ZFHX3: variants seen among roughly 807,000 people sequenced by gnomAD.
ZFHX3 encodes zinc finger homeobox 3, also known as zinc finger homeobox protein 3.
Under a neutral mutation model 279.1 loss-of-function variants are expected in ZFHX3, and 42 were observed. That is an observed-to-expected ratio of 0.15 (90% confidence interval 0.12 to 0.19). The LOEUF is 0.19. Ranked by LOEUF, ZFHX3 falls within the 10% of genes least tolerant of loss-of-function variation. The pLI is 1.00. For missense variants in ZFHX3, 4,981 were observed against 4,754.0 expected, an observed-to-expected ratio of 1.05 and a Z score of -1.40; for synonymous variants, 2,293 against 1,957.8, an observed-to-expected ratio of 1.17 and a Z score of -4.52.
At chr16:73,872,525 G>A (rs1185813791) in intron 1 of ZFHX3, among the ~76,000 whole-genome samples, 1 of 151,824 alleles carries the variant, frequency 6.6e-6, no homozygotes, top group Non-Finnish European at 1.5e-5. Context: ...ATGAGCCACT[G>A]CCAGGCCAGG....
chr16:73,537,147 A>G (rs1339068277), intron 2 of ZFHX3, among the ~76,000 whole-genome samples: 2 of 152,082 alleles, frequency 1.3e-5, no homozygotes, highest in Non-Finnish European at 2.9e-5. Flanking sequence ...TCCAAGCCCT[A>G]AGTAGACATG....
chr16:73,313,935 C>A (rs1228744369), intron 4 of ZFHX3, among the ~76,000 whole-genome samples: 2 of 152,086 alleles, frequency 1.3e-5, no homozygotes, highest in East Asian at 3.9e-4. Context: ...TGGGGAAACC[C>A]CATTTCTACA....
chr16:73,492,372 C>T (rs2019069243), intron 2 of ZFHX3, among the ~76,000 whole-genome samples: 1 of 152,192 alleles, frequency 6.6e-6, no homozygotes, highest in Admixed American at 6.5e-5. Flanking sequence ...TCTTGTATGG[C>T]TGTGTTGACT....
intron 2 of ZFHX3, among the ~76,000 whole-genome samples, chr16:73,660,154 T>C (rs2052766087): frequency 6.6e-6 from 1 of 152,176 alleles, no homozygotes; most frequent in African/African-American, 2.4e-5. Context: ...CTAGGGAAAA[T>C]ACAAGGAGGG....
intron 1 of ZFHX3, among the ~76,000 whole-genome samples, chr16:73,795,766 G>C (rs753898447): frequency 5.9e-5 from 9 of 152,170 alleles, no homozygotes; most frequent in Admixed American, 2.0e-4. Context: ...TTTGACAACA[G>C]ATGTTTAAAA....
At chr16:73,370,704 C>T (rs2016613312) in intron 3 of ZFHX3, among the ~76,000 whole-genome samples, 1 of 152,198 alleles carries the variant, frequency 6.6e-6, no homozygotes, top group Non-Finnish European at 1.5e-5. Context: ...CGGTGCCATG[C>T]ACAGCTCAGC....
At chr16:73,068,638 G>T (rs753876312) in intron 8 of ZFHX3, among the ~76,000 whole-genome samples, 2 of 152,216 alleles carry the variant, frequency 1.3e-5, no homozygotes, top group Non-Finnish European at 2.9e-5. Flanking sequence ...TTCTGACTGT[G>T]TCTGAAGCTC....
At chr16:73,115,977 G>A (rs949687464) in intron 7 of ZFHX3, among the ~76,000 whole-genome samples, 6 of 152,002 alleles carry the variant, frequency 3.9e-5, no homozygotes, top group East Asian at 1.9e-4. Context: ...AAAATTAGCC[G>A]GGCGTGGTGA....
intron 8 of ZFHX3, among the ~76,000 whole-genome samples, chr16:73,070,691 AG>A (rs1455132169): frequency 2.0e-5 from 3 of 151,420 alleles, no homozygotes; most frequent in Non-Finnish European, 4.4e-5. Flanking sequence ...CCAATCCAGA[AG>A]GAAATGCTGA....
chr16:73,802,725 C>A (rs1054880828), intron 1 of ZFHX3, among the ~76,000 whole-genome samples: 1 of 152,126 alleles, frequency 6.6e-6, no homozygotes, highest in Non-Finnish European at 1.5e-5. Flanking sequence ...GTTTTCTAAA[C>A]AAGAACAAAA....
intron 5 of ZFHX3, among the ~76,000 whole-genome samples, chr16:73,191,768 T>G (rs549033686): frequency 7.9e-4 from 120 of 152,232 alleles, no homozygotes; most frequent in Non-Finnish European, 1.3e-3. Flanking sequence ...CCCTGTGGTC[T>G]GGGGTCAGGT....
chr16:73,428,753 A>C (rs560789690), intron 3 of ZFHX3, among the ~76,000 whole-genome samples: 2 of 152,312 alleles, frequency 1.3e-5, no homozygotes, highest in East Asian at 3.9e-4. Context: ...TCTCCATTGA[A>C]GCTCACACAT....
intron 1 of ZFHX3, among the ~76,000 whole-genome samples, chr16:73,689,002 T>A (rs1051223406): frequency 1.3e-5 from 2 of 152,174 alleles, no homozygotes; most frequent in African/African-American, 4.8e-5. Flanking sequence ...AATTGCCTGG[T>A]CTTGGGTATG....
In ZFHX3 at chr16:72,833,724, C is replaced by T. The variant is rs147704468; in HGVS notation, c.3449-3865G>A. On this transcript the variant is annotated intron_variant, in intron 4 of 9. Transcript: ENST00000268489. ...CGCCCTGGTTCTGGGCAGGAGGTAGCAGGCCCAATGCCTCCCAGACAGCTC... is the reference window on the plus strand; with the variant it reads ...CGCCCTGGTTCTGGGCAGGAGGTAGTAGGCCCAATGCCTCCCAGACAGCTC... Among the ~76,000 whole-genome samples, 4 of 152,252 alleles carry T rather than the reference C, an allele frequency of 2.6e-5. No homozygotes were observed. In the East Asian group the frequency reaches 7.7e-4, roughly 29 times the overall value.
In ZFHX3 at chr16:72,958,920, G is replaced by A. The variant is rs370750954; in HGVS notation, c.1226C>T (p.Ser409Leu). 2.0e-5 allele frequency: 32 copies of A among 1,600,944 alleles called. No homozygotes were observed. Among genetic ancestry groups the A allele is most frequent in the African/African-American group, 9.4e-5 (7 of 74,538 alleles). Residue 409 changes from serine to leucine, a missense_variant, in exon 2 of 10, where the codon TCG (serine) becomes TTG (leucine). Ser to Leu is a moderately radical substitution (Grantham distance 145). Transcript: ENST00000268489. ...TLLNLGGLTS[S>L]VLKTPITSVP... ...TGAGGTAATGGGGGTCTTCAGTACCGAGCTGGTGAGCCCGCCAAGGTTCAA... is the reference window on the plus strand; with the variant it reads ...TGAGGTAATGGGGGTCTTCAGTACCAAGCTGGTGAGCCCGCCAAGGTTCAA...
intron 1 of ZFHX3, among the ~76,000 whole-genome samples, chr16:72,983,096 G>T (rs1454770829): frequency 6.6e-6 from 1 of 152,146 alleles, no homozygotes; most frequent in East Asian, 1.9e-4. Flanking sequence ...TATTCTATGG[G>T]TGTGAGCAGT....
chr16:73,272,059 G>C (rs2014160043), intron 4 of ZFHX3, among the ~76,000 whole-genome samples: 1 of 152,178 alleles, frequency 6.6e-6, no homozygotes, highest in Non-Finnish European at 1.5e-5. Context: ...AGTTCACACA[G>C]CCTATGGGAT....
upstream of ZFHX3, among the ~76,000 whole-genome samples, chr16:73,051,131 G>A (rs916846952): frequency 1.3e-5 from 2 of 152,222 alleles, no homozygotes; most frequent in Non-Finnish European, 2.9e-5. Context: ...TCTTTTCACA[G>A]TACAGCGGGT....
intron 1 of ZFHX3, among the ~76,000 whole-genome samples, chr16:73,738,613 T>C (rs978199871): frequency 6.6e-6 from 1 of 152,210 alleles, no homozygotes; most frequent in Non-Finnish European, 1.5e-5. Flanking sequence ...GGATATTCTT[T>C]TATGCTAGAG....
Sources: allele counts gnomAD v4.1 joint callset (sites outside exome capture counted in the v4.1 genomes callset), GRCh38; gene constraint gnomAD v4.1.1; transcripts MANE v1.5; gene names NCBI Gene and HGNC (gene_info 2026-07-23, HGNC 2026-07-21).